Variants in SORCS3 observed in about 807,000 individuals in gnomAD.
SORCS3 encodes the protein sortilin related VPS10 domain containing receptor 3.
SORCS3 carries 57 observed loss-of-function variants against 146.3 expected under a neutral mutation model. The ratio of observed to expected loss-of-function variants is 0.39; its 90% CI spans 0.31 to 0.49. The LOEUF (loss-of-function observed/expected upper bound fraction) is 0.49, where lower values mean the gene tolerates loss of function less well. SORCS3 is among the 20% of genes least tolerant of loss of function. The pLI, the probability that SORCS3 is intolerant of heterozygous loss-of-function variation, is 0.92. For missense variants in SORCS3, 1,341 were observed against 1,575.5 expected (o/e 0.85, Z 2.52); for synonymous variants, 653 against 618.5 (o/e 1.06, Z -0.83).
At chr10:104,649,464 A>G (rs2015533462) in intron 1 of SORCS3, among the ~76,000 whole-genome samples, 1 of 152,184 alleles carries the variant, frequency 6.6e-6, no homozygotes, top group Non-Finnish European at 1.5e-5. Flanking sequence ...TGTTATTTTT[A>G]TATCTGGAAG....
At chr10:105,022,979 G>C (rs1052222740) in intron 4 of SORCS3, among the ~76,000 whole-genome samples, 1 of 152,052 alleles carries the variant, frequency 6.6e-6, no homozygotes, top group Admixed American at 6.6e-5. Context: ...GTCTGCAGAG[G>C]GTACTTCAAG....
At chr10:104,829,908 A>T (rs1044964561) in intron 1 of SORCS3, among the ~76,000 whole-genome samples, 1 of 152,070 alleles carries the variant, frequency 6.6e-6, no homozygotes, top group Admixed American at 6.5e-5. Flanking sequence ...ATTTTATTTT[A>T]AGTTCTGGGT....
chr10:104,740,178 A>G (rs1317964931), intron 1 of SORCS3, among the ~76,000 whole-genome samples: 2 of 152,238 alleles, frequency 1.3e-5, no homozygotes, highest in Non-Finnish European at 2.9e-5. Flanking sequence ...TAAAACTGAA[A>G]CAGTCAAAAT....
At chr10:104,689,284 A>G (rs1209683720) in intron 1 of SORCS3, among the ~76,000 whole-genome samples, 6 of 152,092 alleles carry the variant, frequency 3.9e-5, no homozygotes, top group African/African-American at 1.4e-4. Context: ...CAGCTCAGAT[A>G]CCTCTTCCTC....
chr10:105,252,938 GC>G (rs769343455), intron 23 of SORCS3, 32 bp downstream of exon 23: 1 of 1,610,926 alleles, frequency 6.2e-7, no homozygotes, highest in Non-Finnish European at 8.5e-7. Flanking sequence ...TGGGACCCTT[GC>G]CTGCACCCTA....
At chr10:104,800,258 A>ATATG (rs2017609757) in intron 1 of SORCS3, among the ~76,000 whole-genome samples, 1 of 149,930 alleles carries the variant, frequency 6.7e-6, no homozygotes, top group South Asian at 2.1e-4. Context: ...ATATATATAT[A>ATATG]TGTAAAACAT....
At chr10:105,088,908 A>T (rs184091594) in intron 5 of SORCS3, among the ~76,000 whole-genome samples, 14 of 152,358 alleles carry the variant, frequency 9.2e-5, no homozygotes, top group African/African-American at 3.4e-4. Flanking sequence ...AGAATAGTGT[A>T]TAAACTCTGA....
intron 1 of SORCS3, among the ~76,000 whole-genome samples, chr10:104,643,709 GGTGTGTGT>G (rs3069967): frequency 1.0e-4 from 15 of 144,736 alleles, no homozygotes; most frequent in African/African-American, 2.4e-4. Flanking sequence ...TGATAATTAG[GGTGTGTGT>G]GTGTGTGTGT....
intron 1 of SORCS3, among the ~76,000 whole-genome samples, chr10:104,716,843 T>C (rs12358825): frequency 0.2 from 30,171 of 152,196 alleles, 3,281 homozygotes; most frequent in Non-Finnish European, 0.25. Context: ...TCATCTCTAT[T>C]TGTAGGGTTT....
At chr10:104,685,059 C>T (rs1448262592) in intron 1 of SORCS3, among the ~76,000 whole-genome samples, 1 of 151,986 alleles carries the variant, frequency 6.6e-6, no homozygotes, top group African/African-American at 2.4e-5. Context: ...CTCAAGTGAT[C>T]CACCTGCCTT....
intron 1 of SORCS3, among the ~76,000 whole-genome samples, chr10:104,732,745 G>A (rs1049186759): frequency 6.6e-6 from 1 of 152,188 alleles, no homozygotes; most frequent in Non-Finnish European, 1.5e-5. Flanking sequence ...TAACAGGCAG[G>A]GATGGGAAAG....
At chr10:105,111,631 C>G (rs1043081025) in intron 7 of SORCS3, among the ~76,000 whole-genome samples, 35 of 152,128 alleles carry the variant, frequency 2.3e-4, no homozygotes, top group African/African-American at 8.2e-4. Context: ...CCAGGAATTG[C>G]CCAATATATT....
intron 2 of SORCS3, among the ~76,000 whole-genome samples, chr10:104,861,253 A>T (rs963507138): frequency 6.6e-6 from 1 of 152,142 alleles, no homozygotes; most frequent in Non-Finnish European, 1.5e-5. Flanking sequence ...CTCTGTACAG[A>T]GAAGTGAAAA....
chr10:104,964,195 A>T (rs892817204), intron 3 of SORCS3, among the ~76,000 whole-genome samples: 2 of 152,124 alleles, frequency 1.3e-5, no homozygotes, highest in Non-Finnish European at 2.9e-5. Flanking sequence ...TATGCTTTCT[A>T]TGTAACTTGT....
intron 1 of SORCS3, among the ~76,000 whole-genome samples, chr10:104,842,213 G>C (rs1283909748): frequency 6.6e-6 from 1 of 152,212 alleles, no homozygotes; most frequent in East Asian, 1.9e-4. Flanking sequence ...CCATAGTAGT[G>C]GGGGCAGGTG....
Position 105,058,100 on chromosome 10 carries a change from C to A in SORCS3, c.1028+14972C>A, listed in dbSNP as rs59411594. ...GAAGAGAGCTGTCAAGTAATTTGGG[C>A]AGAACTGTGCACAATGGAGGCAGAG... On this transcript the variant is annotated intron_variant, in intron 5 of 26. Transcript: ENST00000369701. Among the ~76,000 whole-genome samples the A allele has an allele frequency of 2.9e-3, 444 of 152,266 alleles. 8 individuals are homozygous for A. In the East Asian group the frequency reaches 0.054, roughly 19 times the overall value.
chr10:105,050,176 C>T (rs1341860615), intron 5 of SORCS3, among the ~76,000 whole-genome samples: 3 of 152,060 alleles, frequency 2.0e-5, no homozygotes, highest in Admixed American at 2.0e-4. Context: ...TTACTTCTTC[C>T]TTTTGGGAGA....
intron 1 of SORCS3, among the ~76,000 whole-genome samples, chr10:104,709,140 T>C (rs2016383662): frequency 6.6e-6 from 1 of 152,196 alleles, no homozygotes; most frequent in Non-Finnish European, 1.5e-5. Flanking sequence ...CTTCTTTCCT[T>C]TTTTATTGCA....
chr10:105,058,472 A>C (rs2055461128), intron 5 of SORCS3, among the ~76,000 whole-genome samples: 1 of 152,238 alleles, frequency 6.6e-6, no homozygotes, highest in Admixed American at 6.5e-5. Context: ...CTTTTAAAGA[A>C]AGGGAAATTT....
Sources: gnomAD v4.1 joint callset for allele counts (sites outside exome capture counted in the v4.1 genomes callset) on GRCh38, gnomAD v4.1.1 for gene constraint, MANE v1.5 for transcripts, NCBI Gene and HGNC (gene_info 2026-07-23, HGNC 2026-07-21) for gene names.